Variants in DLG2 observed in about 807,000 individuals in gnomAD.
DLG2 encodes discs large MAGUK scaffold protein 2.
In DLG2, 45 loss-of-function variants were observed where a neutral mutation model predicts 132.5. That is an observed-to-expected ratio of 0.34 (90% CI 0.27 to 0.44). DLG2 has a LOEUF of 0.44. DLG2 is among the 20% of genes least tolerant of loss of function. The pLI, the probability that DLG2 is intolerant of heterozygous loss-of-function variation, is 1.00. For missense variants in DLG2, 1,045 were observed against 1,196.9 expected, an observed-to-expected ratio of 0.87 and a Z score of 1.87; for synonymous variants, 424 against 419.6, an observed-to-expected ratio of 1.01 and a Z score of -0.13.
intron 6 of DLG2, chr11:84,546,410 A>C (rs2099389922): frequency 4.5e-6 from 1 of 223,490 alleles, no homozygotes; most frequent in South Asian, 6.4e-5. Context: ...CTTCTGGCAC[A>C]GACTGAAAGA....
At chr11:85,626,225 A>G (rs2082020924) in intron 2 of DLG2, among the ~76,000 whole-genome samples, 1 of 152,258 alleles carries the variant, frequency 6.6e-6, no homozygotes, top group African/African-American at 2.4e-5. Flanking sequence ...TTTGATAAAT[A>G]TTAAACCCAT....
At chr11:83,991,544 C>T (rs1167983648) in intron 11 of DLG2, among the ~76,000 whole-genome samples, 1 of 151,802 alleles carries the variant, frequency 6.6e-6, no homozygotes, top group East Asian at 1.9e-4. Context: ...CTTTTTTTCT[C>T]TCTCTCTCTC....
intron 18 of DLG2, among the ~76,000 whole-genome samples, chr11:83,665,075 G>T (rs139290956): frequency 2.0e-5 from 3 of 152,196 alleles, no homozygotes; most frequent in Admixed American, 1.3e-4. Flanking sequence ...AGGGAAGAAA[G>T]AAATAAATAG....
intron 6 of DLG2, among the ~76,000 whole-genome samples, chr11:84,997,956 G>A (rs1047321442): frequency 1.3e-5 from 2 of 152,126 alleles, no homozygotes; most frequent in Non-Finnish European, 2.9e-5. Flanking sequence ...CCAGTCATGA[G>A]TTTAAAGACA....
At chr11:85,387,535 A>T (rs1279283429) in intron 3 of DLG2, among the ~76,000 whole-genome samples, 1 of 152,200 alleles carries the variant, frequency 6.6e-6, no homozygotes, top group African/African-American at 2.4e-5. Context: ...GATCCTAGCC[A>T]TGTCAGCTGA....
intron 19 of DLG2, among the ~76,000 whole-genome samples, chr11:83,547,535 C>T (rs978734283): frequency 2.0e-4 from 30 of 152,020 alleles, no homozygotes; most frequent in African/African-American, 7.0e-4. Flanking sequence ...GGAAGAGGAC[C>T]ACAAGCCAAG....
chr11:85,118,435 C>T (rs1209937734), intron 5 of DLG2, among the ~76,000 whole-genome samples: 1 of 152,028 alleles, frequency 6.6e-6, no homozygotes, highest in Non-Finnish European at 1.5e-5. Flanking sequence ...AAACACTCTA[C>T]ATTAAAATAT....
chr11:84,795,973 T>C (rs1020415981), intron 6 of DLG2, among the ~76,000 whole-genome samples: 1 of 152,178 alleles, frequency 6.6e-6, no homozygotes, highest in Non-Finnish European at 1.5e-5. Flanking sequence ...CCATGCTCAC[T>C]TGCTCACACA....
intron 10 of DLG2, among the ~76,000 whole-genome samples, chr11:84,069,882 C>T (rs2096731108): frequency 6.6e-6 from 1 of 152,222 alleles, no homozygotes; most frequent in Non-Finnish European, 1.5e-5. Context: ...GTGAGAGGGT[C>T]ATGGGACTGG....
chr11:84,566,728 A>C (rs888163927), intron 6 of DLG2, among the ~76,000 whole-genome samples: 1 of 152,216 alleles, frequency 6.6e-6, no homozygotes, highest in Non-Finnish European at 1.5e-5. Context: ...AGAAAAGCAC[A>C]GCTGTTTGTA....
chr11:84,687,182 A>C (rs2099738937), intron 6 of DLG2: 1 of 152,168 alleles, frequency 6.6e-6, no homozygotes, highest in Non-Finnish European at 1.5e-5. Flanking sequence ...CACTGTGTGA[A>C]ATATTAAATA....
chr11:83,603,945 C>T (rs2058952480), intron 19 of DLG2, among the ~76,000 whole-genome samples: 1 of 152,066 alleles, frequency 6.6e-6, no homozygotes, highest in Admixed American at 6.5e-5. Context: ...CACATTTCAC[C>T]TCAGAAAAGT....
intron 5 of DLG2, among the ~76,000 whole-genome samples, chr11:85,144,475 G>A (rs2076712007): frequency 6.7e-6 from 1 of 149,938 alleles, no homozygotes. Flanking sequence ...TTGTTTTCTG[G>A]TTACTTTGTG....
intron 6 of DLG2, among the ~76,000 whole-genome samples, chr11:84,595,338 C>T (rs988527096): frequency 3.3e-5 from 5 of 152,158 alleles, no homozygotes; most frequent in African/African-American, 4.8e-5. Context: ...GTCTCAAACT[C>T]TTGGGCTCAA....
At chr11:84,746,822 G>A (rs2065430244) in intron 6 of DLG2, among the ~76,000 whole-genome samples, 1 of 152,078 alleles carries the variant, frequency 6.6e-6, no homozygotes, top group African/African-American at 2.4e-5. Flanking sequence ...TTTTGCCCTG[G>A]CCTTCCTCTG....
chr11:84,318,738 G>A (rs767451030), intron 7 of DLG2, among the ~76,000 whole-genome samples: 1 of 152,182 alleles, frequency 6.6e-6, no homozygotes, highest in Non-Finnish European at 1.5e-5. Flanking sequence ...GCCCATCACA[G>A]AAGGTATTCA....
intron 6 of DLG2, among the ~76,000 whole-genome samples, chr11:84,910,279 C>A (rs1174152107): frequency 6.6e-6 from 1 of 152,040 alleles, no homozygotes; most frequent in Non-Finnish European, 1.5e-5. Flanking sequence ...TGTTTTAGGC[C>A]TAAGGGAAAA....
chr11:84,763,975 T>G (rs1480247667), intron 6 of DLG2, among the ~76,000 whole-genome samples: 1 of 152,124 alleles, frequency 6.6e-6, no homozygotes, highest in Non-Finnish European at 1.5e-5. Flanking sequence ...ACCATAGATA[T>G]TATTTAGATG....
intron 18 of DLG2, among the ~76,000 whole-genome samples, chr11:83,748,727 A>G (rs2093092858): frequency 6.6e-6 from 1 of 152,234 alleles, no homozygotes; most frequent in Admixed American, 6.5e-5. Flanking sequence ...CCATTAGTAT[A>G]TAGTTTAAGG....
Sources: gnomAD v4.1 joint callset for allele counts (sites outside exome capture counted in the v4.1 genomes callset) on GRCh38, gnomAD v4.1.1 for gene constraint, MANE v1.5 for transcripts, NCBI Gene and HGNC (gene_info 2026-07-23, HGNC 2026-07-21) for gene names.